PRKN: variants seen among roughly 807,000 people sequenced by gnomAD.
The protein encoded by PRKN is parkin RBR E3 ubiquitin protein ligase.
Under a neutral mutation model 59.5 loss-of-function variants are expected in PRKN, and 56 were observed. That is an observed-to-expected ratio of 0.94 (90% confidence interval 0.76 to 1.18). The LOEUF (loss-of-function observed/expected upper bound fraction) is 1.18. PRKN is among the 50% of genes most tolerant of loss of function. The pLI is 0.00. For missense variants in PRKN, 657 were observed against 596.4 expected, an observed-to-expected ratio of 1.10 and a Z score of -1.06; for synonymous variants, 250 against 222.1, an observed-to-expected ratio of 1.13 and a Z score of -1.12.
rs1378210844 is a variant in PRKN, at chr6:161,538,760, G to T, written c.1083+10094C>A. ...ACTGGCTGGTCTTTACCCAAGAAAA[G>T]CCCTATTACCTCCCAGGAGCTTGTA... On this transcript the variant is annotated intron_variant, in intron 9 of 11. Transcript: ENST00000366898. This position sits in a 1 kb window ranked among gnomAD's most constrained non-coding sequence, Gnocchi z 4.2. Among the ~76,000 whole-genome samples, 1 of 152,126 alleles carries T rather than the reference G, an allele frequency of 6.6e-6. No individual in the cohort carries two copies. Among genetic ancestry groups the T allele is most frequent in the African/African-American group, 2.4e-5 (1 of 41,422 alleles).
chr6:161,774,528 A>T (rs1789839526), intron 7 of PRKN, among the ~76,000 whole-genome samples: 1 of 152,092 alleles, frequency 6.6e-6, no homozygotes, highest in Non-Finnish European at 1.5e-5. Context: ...TCTAAACCTG[A>T]GTCTCCAGTG....
chr6:162,649,840 T>C (rs1276502675), intron 1 of PRKN, among the ~76,000 whole-genome samples: 4 of 152,206 alleles, frequency 2.6e-5, no homozygotes, highest in Admixed American at 2.0e-4. Context: ...GATTAAGTGG[T>C]GCACTGAAAA....
At chr6:161,611,087 T>C (rs1174530444) in intron 7 of PRKN, among the ~76,000 whole-genome samples, 2 of 152,186 alleles carry the variant, frequency 1.3e-5, no homozygotes, top group Non-Finnish European at 2.9e-5. Context: ...GGGGCCACTG[T>C]GGTTTTTGTC....
At chr6:161,941,690 A>G (rs1184412269) in intron 6 of PRKN, among the ~76,000 whole-genome samples, 1 of 152,154 alleles carries the variant, frequency 6.6e-6, no homozygotes, top group African/African-American at 2.4e-5. Context: ...ATTCACCCCT[A>G]GACACTGCTG....
chr6:161,854,683 G>A (rs1793573382), intron 6 of PRKN, among the ~76,000 whole-genome samples: 1 of 152,086 alleles, frequency 6.6e-6, no homozygotes, highest in Admixed American at 6.5e-5. Context: ...CTTCTAAAAG[G>A]CAGTCACCAT....
chr6:162,153,915 CA>C (rs35624032), intron 4 of PRKN, among the ~76,000 whole-genome samples: 61,629 of 151,904 alleles, frequency 0.41, 15,216 homozygotes, highest in Non-Finnish European at 0.55. Context: ...GAAAGGGCAG[CA>C]TTCAATTGGT....
chr6:162,284,222 T>C (rs1456609424), intron 2 of PRKN, among the ~76,000 whole-genome samples: 6 of 118,154 alleles, frequency 5.1e-5, no homozygotes, highest in African/African-American at 1.4e-4. Flanking sequence ...TTTCTTTTTT[T>C]TTTTTTTTTT....
In PRKN at chr6:162,209,624, AT is replaced by A. The variant is rs200367283; in HGVS notation, c.413-8373del. ...ACTGGGTATATACACCCAAAGGATTATAAATCATGCTGCTAATAAAGACACA... is the reference window on the plus strand; with the variant it reads ...ACTGGGTATATACACCCAAAGGATTAAAATCATGCTGCTAATAAAGACACA... On this transcript the variant is annotated intron_variant, in intron 3 of 11. Transcript: ENST00000366898. 7.7e-3 allele frequency among the ~76,000 whole-genome samples: 1,170 copies of A among 152,338 alleles called. 11 individuals are homozygous for A. Among genetic ancestry groups the A allele is most frequent in the African/African-American group, 0.027 (1,103 of 41,574 alleles).
At chr6:161,669,251 G>T (rs1311537803) in intron 7 of PRKN, among the ~76,000 whole-genome samples, 2 of 152,204 alleles carry the variant, frequency 1.3e-5, no homozygotes, top group Non-Finnish European at 2.9e-5. Flanking sequence ...AGAAATAGAT[G>T]TTGTTGTTTG....
intron 1 of PRKN, among the ~76,000 whole-genome samples, chr6:162,484,301 T>C (rs1792444650): frequency 6.6e-6 from 1 of 152,086 alleles, no homozygotes; most frequent in Admixed American, 6.6e-5. Flanking sequence ...ATACGGTTCA[T>C]TAGGGAATAA....
At chr6:162,449,773 T>C (rs577366452) in intron 1 of PRKN, among the ~76,000 whole-genome samples, 8 of 152,240 alleles carry the variant, frequency 5.3e-5, no homozygotes, top group African/African-American at 1.7e-4. Flanking sequence ...TATAATGAAT[T>C]ATTAAATGCT....
intron 9 of PRKN, among the ~76,000 whole-genome samples, chr6:161,491,809 T>G (rs1366700432): frequency 6.6e-6 from 1 of 152,102 alleles, no homozygotes; most frequent in Admixed American, 6.6e-5. Context: ...TTTTGTATTT[T>G]TTAGTAGAGA....
chr6:162,575,672 G>A (rs1026800557), intron 1 of PRKN, among the ~76,000 whole-genome samples: 1 of 152,064 alleles, frequency 6.6e-6, no homozygotes, highest in African/African-American at 2.4e-5. Context: ...ATCCACAACT[G>A]AGCCTGTCAT....
chr6:162,085,624 G>A lies in PRKN; in HGVS notation c.535-31450C>T, dbSNP rs116939538. Reference sequence around the variant, plus strand: ...TATAATTTTGTTTCCAACTTGGTATGAACTATGCTTACCAACTGTGAGAGA... The same window carrying A: ...TATAATTTTGTTTCCAACTTGGTATAAACTATGCTTACCAACTGTGAGAGA... On this transcript the variant is annotated intron_variant, in intron 4 of 11. Coordinates refer to ENST00000366898, the MANE Select transcript of PRKN (RefSeq NM_004562.3). 6.6e-4 allele frequency among the ~76,000 whole-genome samples: 101 copies of A among 152,174 alleles called. No homozygotes were observed. In the East Asian group the frequency reaches 0.018, roughly 28 times the overall value.
chr6:161,584,030 A>C lies in PRKN; in HGVS notation c.872-14614T>G, dbSNP rs1470548860. Among the ~76,000 whole-genome samples the C allele has an allele frequency of 1.3e-5, 2 of 152,198 alleles. No homozygotes were observed. Among genetic ancestry groups the C allele is most frequent in the Non-Finnish European group, 2.9e-5 (2 of 68,048 alleles). On this transcript the variant is annotated intron_variant, in intron 7 of 11. Transcript: ENST00000366898. This position sits in a 1 kb window ranked among gnomAD's most constrained non-coding sequence, Gnocchi z 4.8. ...ATTTGTCTACAAACTTAACACCACC[A>C]ATCACAGTGAGGCCAATGTCCCCCA...
At chr6:162,015,977 A>G (rs1197199630) in intron 5 of PRKN, among the ~76,000 whole-genome samples, 8 of 152,306 alleles carry the variant, frequency 5.3e-5, no homozygotes, top group Admixed American at 3.9e-4. Context: ...AACTGACAAG[A>G]TAAGTATTCA....
rs949263868 is a variant in PRKN at position 161,442,575 on chromosome 6, G to C, written c.1084-55698C>G. 6.6e-6 allele frequency among the ~76,000 whole-genome samples: 1 copy of C among 152,226 alleles called. No homozygotes were observed. The highest frequency in any genetic ancestry group is 1.5e-5 in the Non-Finnish European group (1 of 68,044). On this transcript the variant is annotated intron_variant, in intron 9 of 11. Transcript: ENST00000366898. The surrounding 1 kb of genome is among the most constrained non-coding windows in gnomAD (Gnocchi z 4.6). The stretch of plus-strand genomic sequence containing the variant: ...TGCCGTTCCGCACCACCAAGCGGAA[G>C]GGCAGCACTGCTTGTATCTAAGGTG...
At chr6:162,039,741 T>G (rs1049886583) in intron 5 of PRKN, among the ~76,000 whole-genome samples, 4 of 152,252 alleles carry the variant, frequency 2.6e-5, no homozygotes, top group African/African-American at 9.6e-5. Flanking sequence ...TATCATTGTC[T>G]GTTGCTAATT....
At chr6:162,656,171 A>C (rs1562473636) in intron 1 of PRKN, among the ~76,000 whole-genome samples, 1 of 152,326 alleles carries the variant, frequency 6.6e-6, no homozygotes, top group East Asian at 1.9e-4. Context: ...AGTTACAGAA[A>C]CATTCTCTCT....
Sources: allele counts gnomAD v4.1 joint callset (sites outside exome capture counted in the v4.1 genomes callset), GRCh38; gene constraint gnomAD v4.1.1; non-coding constraint Gnocchi (gnomAD v3.1); transcripts MANE v1.5; gene names NCBI Gene and HGNC (gene_info 2026-07-23, HGNC 2026-07-21).